Variants in SYT12 observed in about 807,000 individuals in gnomAD.
SYT12 encodes synaptotagmin-12.
In SYT12, 27 loss-of-function variants were observed where a neutral mutation model predicts 39.5. The observed-to-expected ratio is 0.68, with a 90% confidence interval of 0.50 to 0.94. SYT12 has a LOEUF of 0.94. Ranked by LOEUF, SYT12 falls within the 40% of genes least tolerant of loss-of-function variation. The pLI, the probability that SYT12 is intolerant of heterozygous loss-of-function variation, is 0.00. For missense variants in SYT12, 536 were observed against 572.6 expected (o/e 0.94, Z 0.65); for synonymous variants, 233 against 239.7 (o/e 0.97, Z 0.26).
chr11:67,035,825 CCTTCCTTCCTTCCTTTCTTTCTTT>C (rs1565337342), intron 3 of SYT12, among the ~76,000 whole-genome samples: 13 of 96,666 alleles, frequency 1.3e-4, no homozygotes, highest in East Asian at 3.1e-4. Context: ...TTCCTTCCTT[CCTTCCTTCCTTCCTTTCTTTCTTT>C]CTTTCTTTCT....
intron 3 of SYT12, among the ~76,000 whole-genome samples, chr11:67,012,494 T>C (rs928131405): frequency 6.6e-6 from 1 of 152,200 alleles, no homozygotes; most frequent in African/African-American, 2.4e-5. Context: ...TCACACTGCC[T>C]TGTCACTTCT....
chr11:67,042,615 A>C (rs567699408), intron 4 of SYT12, among the ~76,000 whole-genome samples: 1 of 152,216 alleles, frequency 6.6e-6, no homozygotes, highest in South Asian at 2.1e-4. Context: ...GCACACGCTC[A>C]GAGAATGGCT....
chr11:67,033,738 A>T (rs1950311805), intron 2 of SYT12, among the ~76,000 whole-genome samples: 1 of 152,182 alleles, frequency 6.6e-6, no homozygotes, highest in African/African-American at 2.4e-5. Context: ...CAGCACTGTG[A>T]CCTGCACAAT....
At chr11:67,018,361 A>G (rs958186500), upstream of SYT12, among the ~76,000 whole-genome samples, 3 of 151,970 alleles carry the variant, frequency 2.0e-5, no homozygotes, top group African/African-American at 7.3e-5. Flanking sequence ...ACCAAAAAAG[A>G]AAAAGAAAAA....
intron 3 of SYT12, among the ~76,000 whole-genome samples, chr11:67,037,311 G>C (rs1371758268): frequency 6.6e-6 from 1 of 152,144 alleles, no homozygotes; most frequent in Non-Finnish European, 1.5e-5. Flanking sequence ...CAGTACTGCA[G>C]TATTTGTATT....
intron 3 of SYT12, among the ~76,000 whole-genome samples, chr11:67,017,827 G>T (rs1265101445): frequency 6.6e-6 from 1 of 150,606 alleles, no homozygotes; most frequent in Non-Finnish European, 1.5e-5. Flanking sequence ...GGGTGTGTTG[G>T]CAGGCGCTTG....
intron 3 of SYT12, among the ~76,000 whole-genome samples, chr11:67,014,589 G>A (rs532010468): frequency 9.9e-5 from 15 of 152,254 alleles, no homozygotes; most frequent in Non-Finnish European, 1.8e-4. Flanking sequence ...GCAACTGGGA[G>A]CTTGGGGCCT....
chr11:67,050,777 T>G lies in SYT12; in HGVS notation c.*2020T>G, dbSNP rs542179533. 2.6e-5 allele frequency: 4 copies of G among 152,400 alleles called. No homozygotes were observed. The highest frequency in any genetic ancestry group is 4.4e-5 in the Non-Finnish European group (3 of 68,082). 9.4% of individuals were successfully genotyped at this position (152,400 alleles called of 1,614,324 possible). A position where few individuals can be genotyped will look rare whatever the true frequency, so the allele number is the denominator to read the frequency against. On this transcript the variant is annotated 3_prime_UTR_variant, in exon 8 of 8. Transcript: ENST00000527043. ...CCGGGTATGCCAACTGGAATGATTC[T>G]AGAACCAAAATAAAGTTGGGGCAGG...
At chr11:67,017,059 A>G (rs1950064205) in intron 3 of SYT12, among the ~76,000 whole-genome samples, 1 of 152,236 alleles carries the variant, frequency 6.6e-6, no homozygotes, top group Non-Finnish European at 1.5e-5. Flanking sequence ...GCTCTATACC[A>G]GGCATGAGCT....
chr11:67,014,165 A>G (rs1472910789), intron 3 of SYT12, among the ~76,000 whole-genome samples: 3 of 152,074 alleles, frequency 2.0e-5, no homozygotes, highest in Non-Finnish European at 4.4e-5. Context: ...CAAAGACCCT[A>G]TTTTCAAAAA....
intron 3 of SYT12, among the ~76,000 whole-genome samples, chr11:67,013,022 G>A (rs538400545): frequency 9.2e-5 from 14 of 152,292 alleles, no homozygotes; most frequent in Admixed American, 2.6e-4. Flanking sequence ...CAGATCTCCA[G>A]GAGTGAGTCC....
chr11:67,009,645 G>C (rs1391579050), intron 1 of SYT12, among the ~76,000 whole-genome samples: 1 of 151,028 alleles, frequency 6.6e-6, no homozygotes, highest in Non-Finnish European at 1.5e-5. Context: ...GGGCCTGAAG[G>C]CTAAAGAGAT....
chr11:67,044,958 G>GGTCA (rs1167420570), intron 6 of SYT12, among the ~76,000 whole-genome samples: 1 of 152,112 alleles, frequency 6.6e-6, no homozygotes, highest in Admixed American at 6.5e-5. Flanking sequence ...GAGTGAAGGG[G>GGTCA]GTCAGAGTGA....
At chr11:67,035,448 T>TTTTTC (rs201874276) in intron 3 of SYT12, among the ~76,000 whole-genome samples, 1 of 147,930 alleles carries the variant, frequency 6.8e-6, no homozygotes, top group Non-Finnish European at 1.5e-5. Context: ...TTTCTTTTTC[T>TTTTTC]TTTTCTTTTC....
At chr11:67,018,968 G>A (rs57241231), upstream of SYT12, among the ~76,000 whole-genome samples, 1,394 of 152,288 alleles carry the variant, frequency 9.2e-3, 27 homozygotes, top group African/African-American at 0.032. Flanking sequence ...GTGGCTCAAC[G>A]CCTACTGTTC....
chr11:67,046,478 G>A (rs1177294962), intron 7 of SYT12, among the ~76,000 whole-genome samples: 1 of 152,206 alleles, frequency 6.6e-6, no homozygotes, highest in Admixed American at 6.5e-5. Flanking sequence ...AGTCCTTTGT[G>A]CCTTGAGCCA....
intron 4 of SYT12, among the ~76,000 whole-genome samples, chr11:67,040,586 T>C (rs1950493579): frequency 6.6e-6 from 1 of 152,168 alleles, no homozygotes; most frequent in African/African-American, 2.4e-5. Context: ...ATGCCTCTAA[T>C]CTCAGCACTT....
Position 67,048,855 on chromosome 11 carries a change from C to A in SYT12, c.*98C>A. 7.2e-7 allele frequency: 1 copy of A among 1,390,198 alleles called. No homozygotes were observed. The highest frequency in any genetic ancestry group is 9.7e-7 in the Non-Finnish European group (1 of 1,030,334). 86.1% of individuals were successfully genotyped at this position (1,390,198 alleles called of 1,614,324 possible). The stretch of plus-strand genomic sequence containing the variant: ...TCCATAGCCCAGCTGGAGCCGTGAA[C>A]ACTGGGGTCCCCTGGCAGAGTCCTC... On this transcript the variant is annotated 3_prime_UTR_variant, in exon 8 of 8. Coordinates refer to ENST00000527043, the MANE Select transcript of SYT12 (RefSeq NM_177963.4).
At chr11:67,037,970 G>A (rs1330494882) in intron 3 of SYT12, among the ~76,000 whole-genome samples, 6 of 149,776 alleles carry the variant, frequency 4.0e-5, no homozygotes, top group Admixed American at 1.3e-4. Context: ...GGGGAGGATC[G>A]CTTGGGCCCA....
Sources: gnomAD v4.1 joint callset for allele counts (sites outside exome capture counted in the v4.1 genomes callset) on GRCh38, gnomAD v4.1.1 for gene constraint, MANE v1.5 for transcripts, NCBI Gene and HGNC (gene_info 2026-07-23, HGNC 2026-07-21) for gene names.